Variants in YBX1 observed in about 807,000 individuals in gnomAD.
YBX1 encodes Y-box binding protein 1, also known as Y-box-binding protein 1.
In YBX1, 3 loss-of-function variants were observed where a neutral mutation model predicts 41.4. The observed-to-expected ratio is 0.07, with a 90% CI of 0.03 to 0.19. YBX1 has a LOEUF of 0.19. Ranked by LOEUF, YBX1 falls within the 10% of genes least tolerant of loss-of-function variation. The probability of loss-of-function intolerance (pLI) is 1.00; values close to 1 mark genes in which losing one functional copy is unlikely to be tolerated. For synonymous variants in YBX1, 133 were observed against 165.8 expected, an observed-to-expected ratio of 0.80 and a Z score of 1.52; for missense variants, 274 against 462.8, an observed-to-expected ratio of 0.59 and a Z score of 3.74.
At chr1:42,687,155 A>G (rs1371411942) in intron 2 of YBX1, among the ~76,000 whole-genome samples, 1 of 152,214 alleles carries the variant, frequency 6.6e-6, no homozygotes, top group Non-Finnish European at 1.5e-5. Flanking sequence ...GGTCAGCTAT[A>G]CAAATAAAAG....
At chr1:42,691,582 G>A (rs879335826) in intron 2 of YBX1, among the ~76,000 whole-genome samples, 2 of 152,098 alleles carry the variant, frequency 1.3e-5, no homozygotes, top group Non-Finnish European at 2.9e-5. Context: ...TACATTAGAA[G>A]GCATAACAAA....
intron 2 of YBX1, among the ~76,000 whole-genome samples, chr1:42,690,539 A>G (rs1027734820): frequency 6.6e-6 from 1 of 152,178 alleles, no homozygotes; most frequent in African/African-American, 2.4e-5. Context: ...AAAACAATGC[A>G]GGGCACTCCT....
chr1:42,689,346 A>G (rs1012730242), intron 2 of YBX1, among the ~76,000 whole-genome samples: 2 of 152,236 alleles, frequency 1.3e-5, no homozygotes, highest in African/African-American at 2.4e-5. Context: ...TGGAGCATAT[A>G]GATGGTAAAT....
In YBX1 at chr1:42,697,222, A is replaced by T. The variant is rs1475413235; in HGVS notation, c.700A>T (p.Arg234Trp). 8.7e-6 allele frequency: 14 copies of T among 1,614,110 alleles called. No individual in the cohort carries two copies. The highest frequency in any genetic ancestry group is 1.2e-5 in the Non-Finnish European group (14 of 1,180,012). ...QGAGEQGRPV[R>W]QNMYRGYRPR... ...TGCAGGAGAACAAGGTAGACCAGTG[A>T]GGCAGAATATGTATCGGGGATATAG... is the stretch of plus-strand genomic sequence containing the variant. Residue 234 changes from arginine to tryptophan, a missense_variant, in exon 6 of 8, where the codon AGG becomes TGG. Coordinates refer to ENST00000321358, the MANE Select transcript of YBX1 (RefSeq NM_004559.5).
Position 42,682,740 on chromosome 1 carries a change from C to G in YBX1, c.166+9C>G. 1 of 1,220,116 alleles carries G rather than the reference C, an allele frequency of 8.2e-7. No homozygotes were observed. Among genetic ancestry groups the G allele is most frequent in the Non-Finnish European group, 1.0e-6 (1 of 981,948 alleles). 75.6% of individuals were successfully genotyped at this position (1,220,116 alleles called of 1,614,324 possible). A position where few individuals can be genotyped will look rare whatever the true frequency, so the allele number is the denominator to read the frequency against. On this transcript the variant is annotated intron_variant, in intron 1 of 7. Coordinates refer to ENST00000321358, the MANE Select transcript of YBX1 (RefSeq NM_004559.5). ...GGACAAGAAGGTCATCGGTGAGGAC[C>G]GGACAGGGACGGGGGTGGGGCCCTC...
intron 2 of YBX1, among the ~76,000 whole-genome samples, chr1:42,687,923 C>T (rs1650237221): frequency 6.6e-6 from 1 of 152,164 alleles, no homozygotes; most frequent in Non-Finnish European, 1.5e-5. Flanking sequence ...GACTTTTCTG[C>T]AGGTGCTGCT....
chr1:42,686,190 G>A (rs540296827), intron 2 of YBX1, among the ~76,000 whole-genome samples: 9 of 152,314 alleles, frequency 5.9e-5, no homozygotes, highest in Admixed American at 4.6e-4. Context: ...TGTTTCCAGA[G>A]TACTTAAAAT....
At chr1:42,683,011 C>G in intron 1 of YBX1, 1 of 275,438 alleles carries the variant, frequency 3.6e-6, no homozygotes, top group South Asian at 2.9e-5. Context: ...GGTCCCCTCC[C>G]CGCCGACCGG....
chr1:42,700,189 C>T (rs1278452217), intron 6 of YBX1, among the ~76,000 whole-genome samples: 1 of 151,728 alleles, frequency 6.6e-6, no homozygotes, highest in Non-Finnish European at 1.5e-5. Context: ...GAATTTATTC[C>T]CATGATGACT....
At chr1:42,700,438 T>C (rs1332516775) in intron 6 of YBX1, among the ~76,000 whole-genome samples, 1 of 152,016 alleles carries the variant, frequency 6.6e-6, no homozygotes, top group Non-Finnish European at 1.5e-5. Flanking sequence ...ACATCGCTAC[T>C]AAAAATCAGA....
At position 42,696,522 on chromosome 1, in the gene YBX1, C is replaced by CT. The variant is rs1553135734; in HGVS notation, c.355-112dup. ...GGTCACGCAGTTGCGCCCCCCCCCC[C>CT]TTTTTTTTCCTTAACTTTGTTGTTT... On this transcript the variant is annotated intron_variant, in intron 4 of 7. Coordinates refer to ENST00000321358, the MANE Select transcript of YBX1 (RefSeq NM_004559.5). This position sits in a 1 kb window ranked among gnomAD's most constrained non-coding sequence, Gnocchi z 5.7. The CT allele has an allele frequency of 2.7e-4, 174 of 637,204 alleles. No homozygotes were observed. Among genetic ancestry groups the CT allele is most frequent in the Middle Eastern group, 6.6e-4 (2 of 3,030 alleles). The allele number at this position is 637,204 out of a possible 1,614,324, so 39.5% of individuals were successfully genotyped here.
At chr1:42,694,909 C>A (rs897727635) in intron 3 of YBX1, among the ~76,000 whole-genome samples, 8 of 151,956 alleles carry the variant, frequency 5.3e-5, no homozygotes, top group African/African-American at 1.4e-4. Context: ...TGTTGGCAAC[C>A]CTTAAGGGTT....
intron 6 of YBX1, among the ~76,000 whole-genome samples, chr1:42,700,335 C>T (rs1276147025): frequency 6.6e-6 from 1 of 152,074 alleles, no homozygotes; most frequent in Non-Finnish European, 1.5e-5. Context: ...GATTAAAAGA[C>T]TCAAGCCTGT....
Position 42,702,951 on chromosome 1 carries a change from G to C in YBX1, c.*1002G>C, listed in dbSNP as rs1570427645. ...GGCTGATCTTTTCTCTTTTTGAGAC[G>C]GAGTCTTGTTCTGTCATCAGGCTGG... On this transcript the variant is annotated 3_prime_UTR_variant, in exon 8 of 8. Coordinates refer to ENST00000321358, the MANE Select transcript of YBX1 (RefSeq NM_004559.5). 6.6e-6 allele frequency among the ~76,000 whole-genome samples: 1 copy of C among 152,116 alleles called. No individual in the cohort carries two copies. The highest frequency in any genetic ancestry group is 1.5e-5 in the Non-Finnish European group (1 of 68,016).
At chr1:42,683,237 TGCGGCG>T (rs760257968) in intron 1 of YBX1, 160 bp from the exon 2 acceptor site, 7 of 789,520 alleles carry the variant, frequency 8.9e-6, no homozygotes, top group Admixed American at 2.0e-5. Context: ...CACCCACGTG[TGCGGCG>T]GCGGCGGCGA....
At position 42,702,762 on chromosome 1, in the gene YBX1, C is replaced by T. The variant is rs528365083; in HGVS notation, c.*813C>T. On this transcript the variant is annotated 3_prime_UTR_variant, in exon 8 of 8. Transcript: ENST00000321358. ...GATGCCAATTGAAGTGTTAGGACAA[C>T]CTGTCACACTGCCTGGTGTGGTCAT... is the stretch of plus-strand genomic sequence containing the variant. Among the ~76,000 whole-genome samples the T allele has an allele frequency of 3.3e-5, 5 of 152,188 alleles. No homozygotes were observed. Among genetic ancestry groups the T allele is most frequent in the Non-Finnish European group, 7.3e-5 (5 of 68,036 alleles).
At chr1:42,688,812 A>G (rs1027543551) in intron 2 of YBX1, among the ~76,000 whole-genome samples, 32 of 152,248 alleles carry the variant, frequency 2.1e-4, no homozygotes, top group African/African-American at 7.5e-4. Flanking sequence ...AGACAGATGT[A>G]CACTTACCGT....
chr1:42,689,639 A>C (rs1650281690), intron 2 of YBX1, among the ~76,000 whole-genome samples: 1 of 152,200 alleles, frequency 6.6e-6, no homozygotes. Flanking sequence ...AACATGCTGG[A>C]GTAGAGTCCG....
In YBX1 at chr1:42,702,515, A is replaced by G. The variant is rs1171095805; in HGVS notation, c.*566A>G. 6.6e-6 allele frequency among the ~76,000 whole-genome samples: 1 copy of G among 152,228 alleles called. No individual in the cohort carries two copies. The highest frequency in any genetic ancestry group is 2.4e-5 in the African/African-American group (1 of 41,456). The stretch of plus-strand genomic sequence containing the variant: ...CTTTAAGTGGCATGCCTGTGGGCCC[A>G]TACTAAAAATTAGAAAATACATACT... On this transcript the variant is annotated 3_prime_UTR_variant, in exon 8 of 8. Transcript: ENST00000321358.
Sources: gnomAD v4.1 joint callset for allele counts (sites outside exome capture counted in the v4.1 genomes callset) on GRCh38, gnomAD v4.1.1 for gene constraint, Gnocchi (gnomAD v3.1) non-coding constraint, MANE v1.5 for transcripts, NCBI Gene and HGNC (gene_info 2026-07-23, HGNC 2026-07-21) for gene names.